Variants in TMEM154 observed in about 807,000 individuals in gnomAD.
TMEM154 encodes the protein transmembrane protein 154.
TMEM154 carries 27 observed loss-of-function variants against 24.5 expected under a neutral mutation model. That is an observed-to-expected ratio of 1.10 (90% CI 0.81 to 1.52). The LOEUF is 1.52. Among genes scored for constraint, TMEM154 ranks in the 40% most tolerant of loss-of-function variants. The probability of loss-of-function intolerance (pLI) is 0.00; values close to 1 mark genes in which losing one functional copy is unlikely to be tolerated. For synonymous variants in TMEM154, 67 were observed against 76.8 expected, an observed-to-expected ratio of 0.87 and a Z score of 0.67; for missense variants, 228 against 213.4, an observed-to-expected ratio of 1.07 and a Z score of -0.43.
chr4:152,637,467 C>G (rs1374926880), intron 6 of TMEM154, among the ~76,000 whole-genome samples: 1 of 152,098 alleles, frequency 6.6e-6, no homozygotes, highest in African/African-American at 2.4e-5. Context: ...ACTGCTTGAA[C>G]CCAGGAGGCA....
intron 3 of TMEM154, among the ~76,000 whole-genome samples, chr4:152,645,091 C>T (rs191943250): frequency 2.7e-5 from 4 of 146,486 alleles, no homozygotes; most frequent in African/African-American, 1.0e-4. Flanking sequence ...TAATATTGGC[C>T]ACAATTTCTC....
chr4:152,631,189 T>A (rs1474322693), intron 6 of TMEM154, among the ~76,000 whole-genome samples: 1 of 152,224 alleles, frequency 6.6e-6, no homozygotes, highest in Non-Finnish European at 1.5e-5. Flanking sequence ...CCTAGAAATT[T>A]TTACAATTTA....
At position 152,628,583 on chromosome 4, in the gene TMEM154, A is replaced by AAC. The variant is rs1554010610; in HGVS notation, c.537-23_537-22insGT. On this transcript the variant is annotated intron_variant, in intron 6 of 6. Transcript: ENST00000304385. The stretch of plus-strand genomic sequence containing the variant: ...GTCACTGTAAAAAAAAAAAAAAAAA[A>AAC]AAAAAAAAACAAAAAAAACACACAC... 6 of 1,116,262 alleles carry AAC rather than the reference A, an allele frequency of 5.4e-6. 1 individual carries two copies. The African/African-American group carries it at 1.1e-4, about 21-fold the overall frequency. 69.1% of individuals were successfully genotyped at this position (1,116,262 alleles called of 1,614,324 possible). A position where few individuals can be genotyped will look rare whatever the true frequency, so the allele number is the denominator to read the frequency against.
At chr4:152,661,308 C>A (rs866703657) in intron 1 of TMEM154, among the ~76,000 whole-genome samples, 1 of 138,652 alleles carries the variant, frequency 7.2e-6, no homozygotes. Flanking sequence ...CTCTCTCTCT[C>A]TCTCTCTCTC....
At chr4:152,638,805 G>A (rs567530254) in intron 6 of TMEM154, among the ~76,000 whole-genome samples, 3 of 152,284 alleles carry the variant, frequency 2.0e-5, no homozygotes, top group South Asian at 4.1e-4. Flanking sequence ...CTGGCATTAC[G>A]AGAGGGCATA....
intron 1 of TMEM154, among the ~76,000 whole-genome samples, chr4:152,677,325 T>C (rs1376153230): frequency 6.6e-6 from 1 of 152,232 alleles, no homozygotes; most frequent in Non-Finnish European, 1.5e-5. Flanking sequence ...TTATCTCATG[T>C]TGCCTGCTCG....
chr4:152,637,117 A>C (rs937137280), intron 6 of TMEM154, among the ~76,000 whole-genome samples: 1 of 151,994 alleles, frequency 6.6e-6, no homozygotes, highest in African/African-American at 2.4e-5. Flanking sequence ...GTATATGGGA[A>C]CTCTGTATTT....
intron 6 of TMEM154, among the ~76,000 whole-genome samples, chr4:152,639,162 G>A (rs1464995050): frequency 6.6e-6 from 1 of 152,078 alleles, no homozygotes; most frequent in Non-Finnish European, 1.5e-5. Flanking sequence ...TGTGGGCCAG[G>A]CTGGTCTCGA....
intron 1 of TMEM154, among the ~76,000 whole-genome samples, chr4:152,661,329 TCTCTCTCTCTCTC>T (rs1728605057): frequency 8.4e-6 from 1 of 118,858 alleles, no homozygotes; most frequent in African/African-American, 3.2e-5. Flanking sequence ...TCTCTCTCTC[TCTCTCTCTCTCTC>T]CCCCCAACTC....
rs1728988623 is a variant in TMEM154 at position 152,678,365 on chromosome 4, G to A, written c.64+1505C>T. ...TCATTTTTTAGAAGCTAAAAAAAAA[G>A]TTCAGGCAAGATGAATTAGTATTAA... On this transcript the variant is annotated intron_variant, in intron 1 of 6. Transcript: ENST00000304385. 2.6e-5 allele frequency among the ~76,000 whole-genome samples: 4 copies of A among 151,280 alleles called. No individual in the cohort carries two copies. The South Asian group carries it at 8.3e-4, about 31-fold the overall frequency.
rs773501854 is a variant in TMEM154 at position 152,620,203 on chromosome 4, A to G, written c.*8343T>C. Reference sequence around the variant, plus strand: ...GTCTCTAACTTGAGAGTCCCTGGACATGCCTCTCCACTGCAACCTTAAAGA... The same window carrying G: ...GTCTCTAACTTGAGAGTCCCTGGACGTGCCTCTCCACTGCAACCTTAAAGA... On this transcript the variant is annotated 3_prime_UTR_variant, in exon 7 of 7. Coordinates refer to ENST00000304385, the MANE Select transcript of TMEM154 (RefSeq NM_152680.3). 1 of 152,238 alleles carries G rather than the reference A, an allele frequency of 6.6e-6. No individual in the cohort carries two copies. Among genetic ancestry groups the G allele is most frequent in the East Asian group, 1.9e-4 (1 of 5,194 alleles). The allele number at this position is 152,238 out of a possible 1,614,324, so 9.4% of individuals were successfully genotyped here.
rs12646680 is a variant in TMEM154 at position 152,646,695 on chromosome 4, C to A, written c.365-2253G>T. ...TCCTCCTTCAGTTCCTACTTCCCCC[C>A]CACTTAGCCTGACAGTACTCTCCTC... On this transcript the variant is annotated intron_variant, in intron 3 of 6. Coordinates refer to ENST00000304385, the MANE Select transcript of TMEM154 (RefSeq NM_152680.3). 2.3e-3 allele frequency: 932 copies of A among 412,596 alleles called. 19 individuals are homozygous for A. In the East Asian group the frequency reaches 0.034, roughly 15 times the overall value. 25.6% of individuals were successfully genotyped at this position (412,596 alleles called of 1,614,324 possible). A position where few individuals can be genotyped will look rare whatever the true frequency, so the allele number is the denominator to read the frequency against.
intron 6 of TMEM154, 80 bp from the exon 7 acceptor site, chr4:152,628,641 T>A (rs1211520466): frequency 2.3e-5 from 24 of 1,027,730 alleles, no homozygotes; most frequent in Non-Finnish European, 2.6e-5. Flanking sequence ...TTTCTTTCTT[T>A]TTTTTTTTTT....
Position 152,640,947 on chromosome 4 carries a change from C to T in TMEM154, c.517G>A (p.Glu173Lys). 2 of 1,459,912 alleles carry T rather than the reference C, an allele frequency of 1.4e-6. No homozygotes were observed. The highest frequency in any genetic ancestry group is 2.3e-5 in the South Asian group (2 of 88,324). The allele number at this position is 1,459,912 out of a possible 1,614,324, so 90.4% of individuals were successfully genotyped here. Residue 173 changes from glutamate (E) to lysine (K), a missense_variant, in exon 6 of 7, where the codon GAA becomes AAA. Coordinates refer to ENST00000304385, the MANE Select transcript of TMEM154 (RefSeq NM_152680.3). ...AAGTACCTTGGGTTGTGATTTGATT[C>T]CTTCTCTTCCTTCAAGGTAGGTAAA... ...ECLPTLKEEK[E>K]SNHNPSDSES
At position 152,628,181 on chromosome 4, in the gene TMEM154, G is replaced by T; in HGVS notation, c.*365C>A. On this transcript the variant is annotated 3_prime_UTR_variant, in exon 7 of 7. Transcript: ENST00000304385. ...ACAGCTTCCTGATTTAGGCCCTAAGGAATGAAGCAGAAAGGTGACGAACAT... is the reference window on the plus strand; with the variant it reads ...ACAGCTTCCTGATTTAGGCCCTAAGTAATGAAGCAGAAAGGTGACGAACAT... The T allele has an allele frequency of 3.7e-6, 1 of 266,992 alleles. No homozygotes were observed. The highest frequency in any genetic ancestry group is 7.1e-6 in the Non-Finnish European group (1 of 141,488). 16.5% of individuals were successfully genotyped at this position (266,992 alleles called of 1,614,324 possible). A position where few individuals can be genotyped will look rare whatever the true frequency, so the allele number is the denominator to read the frequency against.
intron 3 of TMEM154, chr4:152,647,435 C>A: frequency 1.6e-6 from 1 of 622,708 alleles, no homozygotes; most frequent in Non-Finnish European, 2.0e-6. Flanking sequence ...GTGATCACGT[C>A]TGTGTTAAAG....
At position 152,624,073 on chromosome 4, in the gene TMEM154, G is replaced by C. The variant is rs1460066872; in HGVS notation, c.*4473C>G. ...AGCCCATCCACCTTTGTCTTAAACA[G>C]GTCTACATTGTACTTCTAAACTTGT... is the stretch of plus-strand genomic sequence containing the variant. On this transcript the variant is annotated 3_prime_UTR_variant, in exon 7 of 7. Transcript: ENST00000304385. 6.6e-6 allele frequency: 1 copy of C among 152,070 alleles called. No individual in the cohort carries two copies. The highest frequency in any genetic ancestry group is 2.4e-5 in the African/African-American group (1 of 41,400). 9.4% of individuals were successfully genotyped at this position (152,070 alleles called of 1,614,324 possible). A position where few individuals can be genotyped will look rare whatever the true frequency, so the allele number is the denominator to read the frequency against.
At chr4:152,659,113 C>T (rs925762807) in intron 1 of TMEM154, among the ~76,000 whole-genome samples, 5 of 152,050 alleles carry the variant, frequency 3.3e-5, no homozygotes, top group African/African-American at 7.2e-5. Context: ...AATCAACCGA[C>T]GTATCTATCA....
At chr4:152,661,358 T>C (rs1352504218) in intron 1 of TMEM154, among the ~76,000 whole-genome samples, 2 of 133,642 alleles carry the variant, frequency 1.5e-5, no homozygotes, top group Non-Finnish European at 1.5e-5. Context: ...AACTCTATGA[T>C]AGCTTCAAAA....
Sources: allele counts gnomAD v4.1 joint callset (sites outside exome capture counted in the v4.1 genomes callset), GRCh38; gene constraint gnomAD v4.1.1; transcripts MANE v1.5; gene names NCBI Gene and HGNC (gene_info 2026-07-23, HGNC 2026-07-21).